The following TMEM178B variants were observed in gnomAD, a reference collection of about 807,000 sequenced individuals.
TMEM178B encodes transmembrane protein 178B.
TMEM178B carries 5 observed loss-of-function variants against 31.0 expected under a neutral mutation model. That is an observed-to-expected ratio of 0.16 (90% confidence interval 0.08 to 0.34). The LOEUF is 0.34. Among genes scored for constraint, TMEM178B ranks in the 10% least tolerant of loss-of-function variants. The pLI is 1.00. For synonymous variants in TMEM178B, 164 were observed against 164.0 expected (o/e 1.00, Z 0.00); for missense variants, 275 against 400.3 (o/e 0.69, Z 2.67).
At chr7:141,212,551 C>T (rs781373427) in intron 1 of TMEM178B, 40 bp from the exon 2 acceptor site, 1 of 1,499,080 alleles carries the variant, frequency 6.7e-7, no homozygotes, top group South Asian at 1.2e-5. Context: ...GATGTGGTTG[C>T]TGCTTCCTTA....
chr7:141,408,499 G>A (rs1328320437), intron 2 of TMEM178B, among the ~76,000 whole-genome samples: 2 of 152,194 alleles, frequency 1.3e-5, no homozygotes, highest in African/African-American at 4.8e-5. Context: ...TCCCAGAGTG[G>A]CAGGGCTGCT....
chr7:141,463,925 G>A (rs1362676115), intron 3 of TMEM178B, among the ~76,000 whole-genome samples: 1 of 152,180 alleles, frequency 6.6e-6, no homozygotes, highest in Non-Finnish European at 1.5e-5. Context: ...GAAGCTATTG[G>A]AGCGTTTTAA....
At chr7:141,404,445 C>T (rs898870836) in intron 2 of TMEM178B, among the ~76,000 whole-genome samples, 4 of 152,214 alleles carry the variant, frequency 2.6e-5, no homozygotes, top group East Asian at 1.9e-4. Context: ...GATCCTTCTT[C>T]GCCTCTGCCT....
At chr7:141,258,528 A>G (rs949114087) in intron 2 of TMEM178B, among the ~76,000 whole-genome samples, 1 of 152,170 alleles carries the variant, frequency 6.6e-6, no homozygotes, top group African/African-American at 2.4e-5. Flanking sequence ...TTGCCTAGTC[A>G]TTTATATTTA....
intron 3 of TMEM178B, among the ~76,000 whole-genome samples, chr7:141,459,090 C>T (rs1225647780): frequency 1.3e-5 from 2 of 152,168 alleles, no homozygotes; most frequent in African/African-American, 4.8e-5. Flanking sequence ...TGTGCAATGG[C>T]GTGATCTCGG....
intron 2 of TMEM178B, among the ~76,000 whole-genome samples, chr7:141,228,476 G>A (rs978036313): frequency 1.3e-5 from 2 of 152,026 alleles, no homozygotes; most frequent in African/African-American, 4.8e-5. Context: ...TCAGAAGAGG[G>A]GTTCCTCTGC....
chr7:141,218,329 G>A (rs1418743273), intron 2 of TMEM178B, among the ~76,000 whole-genome samples: 1 of 152,172 alleles, frequency 6.6e-6, no homozygotes, highest in African/African-American at 2.4e-5. Flanking sequence ...AGGAGGGAGG[G>A]AGCAGTGGGG....
At chr7:141,241,042 CG>C (rs1333081433) in intron 2 of TMEM178B, among the ~76,000 whole-genome samples, 1 of 148,026 alleles carries the variant, frequency 6.8e-6, no homozygotes, top group Non-Finnish European at 1.5e-5. Flanking sequence ...GGGGTACAAG[CG>C]TTTTTTTTTG....
intron 2 of TMEM178B, among the ~76,000 whole-genome samples, chr7:141,285,351 G>T (rs1201509705): frequency 6.6e-6 from 1 of 150,842 alleles, no homozygotes; most frequent in Non-Finnish European, 1.5e-5. Context: ...GTGGAGACAG[G>T]GTTTCACTGT....
At chr7:141,289,044 C>T (rs1390531885) in intron 2 of TMEM178B, among the ~76,000 whole-genome samples, 1 of 152,192 alleles carries the variant, frequency 6.6e-6, no homozygotes, top group Non-Finnish European at 1.5e-5. Context: ...CCCCCAGGAT[C>T]TTCCTGCCTA....
At chr7:141,417,746 C>T (rs544234356) in intron 2 of TMEM178B, among the ~76,000 whole-genome samples, 34 of 152,310 alleles carry the variant, frequency 2.2e-4, no homozygotes, top group Admixed American at 1.9e-3. Flanking sequence ...CTGTACATTG[C>T]GTGTCTGTTT....
At chr7:141,347,988 A>G (rs1265690608) in intron 2 of TMEM178B, among the ~76,000 whole-genome samples, 1 of 152,204 alleles carries the variant, frequency 6.6e-6, no homozygotes, top group Non-Finnish European at 1.5e-5. Context: ...GGTCCACCTC[A>G]ATGAGTACAG....
At chr7:141,233,196 T>A (rs1295885957) in intron 2 of TMEM178B, among the ~76,000 whole-genome samples, 2 of 152,258 alleles carry the variant, frequency 1.3e-5, no homozygotes, top group Non-Finnish European at 2.9e-5. Flanking sequence ...ACTGCTGTGC[T>A]TGTCTATGCT....
At chr7:141,112,497 TC>T (rs1795249957) in intron 1 of TMEM178B, among the ~76,000 whole-genome samples, 1 of 152,218 alleles carries the variant, frequency 6.6e-6, no homozygotes, top group South Asian at 2.1e-4. Flanking sequence ...CAAGTGATCC[TC>T]CTGCCTTGGC....
chr7:141,101,831 G>A (rs1267277593), intron 1 of TMEM178B, among the ~76,000 whole-genome samples: 3 of 151,970 alleles, frequency 2.0e-5, no homozygotes, highest in Non-Finnish European at 2.9e-5. Context: ...AGGAATAATC[G>A]GAACATGGGG....
At chr7:141,327,067 T>C (rs953652269) in intron 2 of TMEM178B, among the ~76,000 whole-genome samples, 7 of 152,210 alleles carry the variant, frequency 4.6e-5, no homozygotes, top group Non-Finnish European at 8.8e-5. Flanking sequence ...TTCTGTGCCA[T>C]TGTTCAAGCT....
At chr7:141,487,227 A>G in the TMEM178B span, among the ~76,000 whole-genome samples, 2 of 152,112 alleles carry the variant, frequency 1.3e-5, no homozygotes, top group African/African-American at 4.8e-5. Context: ...AGACGGACCT[A>G]CCAAGGGACA....
intron 1 of TMEM178B, among the ~76,000 whole-genome samples, chr7:141,097,285 C>T (rs915873119): frequency 1.4e-5 from 2 of 140,694 alleles, no homozygotes; most frequent in Non-Finnish European, 3.0e-5. Context: ...AGGAGAATGG[C>T]GTGAACCCGG....
chr7:141,097,989 G>A (rs952938190), intron 1 of TMEM178B, among the ~76,000 whole-genome samples: 3 of 151,452 alleles, frequency 2.0e-5, no homozygotes, highest in African/African-American at 4.9e-5. Flanking sequence ...ATGGGGTTTC[G>A]CCATGTTGCC....
Sources: allele counts gnomAD v4.1 joint callset (sites outside exome capture counted in the v4.1 genomes callset), GRCh38; gene constraint gnomAD v4.1.1; transcripts MANE v1.5; gene names NCBI Gene and HGNC (gene_info 2026-07-23, HGNC 2026-07-21).